PRH1: variants seen among roughly 807,000 people sequenced by gnomAD.
The protein encoded by PRH1 is proline rich protein HaeIII subfamily 1.
Under a neutral mutation model 7.9 loss-of-function variants are expected in PRH1, and 7 were observed. The observed-to-expected ratio is 0.89, with a 90% CI of 0.50 to 1.67. PRH1 has a LOEUF of 1.67. Ranked by LOEUF, PRH1 falls within the 40% of genes most tolerant of loss-of-function variation. PRH1 has a pLI of 0.00. For missense variants in PRH1, 109 were observed against 223.6 expected (o/e 0.49, Z 3.27); for synonymous variants, 45 against 80.8 (o/e 0.56, Z 2.38).
chr12:10,983,196 A>G lies in PRH1; in HGVS notation c.-125-9475T>C, dbSNP rs1442678388. Among the ~76,000 whole-genome samples, 3 of 152,208 alleles carry G rather than the reference A, an allele frequency of 2.0e-5. 1 individual carries two copies. The highest frequency in any genetic ancestry group is 4.4e-5 in the Non-Finnish European group (3 of 68,036). The stretch of plus-strand genomic sequence containing the variant: ...CAAACTCCTAGCGAATTAGTGGAAG[A>G]CTATTCCTTCTCCAGCAGAGGACTA... On this transcript the variant is annotated intron_variant, in intron 1 of 3. Coordinates refer to the PRH1 transcript ENST00000539853.
intron 1 of PRH1, chr12:11,158,906 A>T (rs1426033376): frequency 6.6e-6 from 1 of 152,202 alleles, no homozygotes; most frequent in Non-Finnish European, 1.5e-5. Context: ...GGCAAGTAAA[A>T]TCATCATAAT....
intron 2 of PRH1, among the ~76,000 whole-genome samples, chr12:10,901,634 C>T (rs1012370070): frequency 1.6e-4 from 24 of 152,278 alleles, no homozygotes; most frequent in African/African-American, 5.5e-4. Context: ...AAATATATAA[C>T]CATCACATTG....
intron 2 of PRH1, among the ~76,000 whole-genome samples, chr12:10,899,031 T>C (rs915320089): frequency 7.9e-5 from 12 of 152,206 alleles, no homozygotes; most frequent in Non-Finnish European, 1.8e-4. Context: ...CCCTGCTGTG[T>C]TTTGTACTTG....
chr12:11,021,996 T>G (rs200760616), intron 1 of PRH1: 56 of 1,591,938 alleles, frequency 3.5e-5, no homozygotes, highest in Non-Finnish European at 4.3e-5. Flanking sequence ...GAAAACATAT[T>G]AGGCTCAGAG....
chr12:10,898,375 A>G (rs1425499497), intron 2 of PRH1, among the ~76,000 whole-genome samples: 2 of 152,348 alleles, frequency 1.3e-5, no homozygotes, highest in Non-Finnish European at 2.9e-5. Context: ...CCATGACTAA[A>G]AGAAAGGCTA....
intron 1 of PRH1, chr12:10,986,490 C>T (rs1939636422): frequency 1.2e-6 from 2 of 1,613,936 alleles, no homozygotes; most frequent in South Asian, 2.2e-5. Flanking sequence ...ACTCCTAACT[C>T]TCCTCTTTAA....
chr12:11,044,091 A>G (rs1942821853), intron 1 of PRH1, among the ~76,000 whole-genome samples: 1 of 152,216 alleles, frequency 6.6e-6, no homozygotes, highest in Non-Finnish European at 1.5e-5. Context: ...GCATTAAGAC[A>G]GACACATAGA....
Position 10,882,067 on chromosome 12 carries a change from A to C in PRH1, c.*18+150T>G, listed in dbSNP as rs151046359. ...AAACACAGGGTCACAGGGTCTTGAT[A>C]CTCTATACAAGAATATCTGAATAAC... is the stretch of plus-strand genomic sequence containing the variant. On this transcript the variant is annotated intron_variant, in intron 3 of 3. Coordinates refer to ENST00000543626, the MANE Select transcript of PRH1 (RefSeq NM_001393989.1). 192 of 1,450,330 alleles carry C rather than the reference A, an allele frequency of 1.3e-4. 2 individuals carry two copies. In the East Asian group the frequency reaches 2.9e-3, roughly 22 times the overall value. 89.8% of individuals were successfully genotyped at this position (1,450,330 alleles called of 1,614,324 possible).
intron 1 of PRH1, among the ~76,000 whole-genome samples, chr12:11,137,330 C>A (rs1220249945): frequency 6.6e-6 from 1 of 152,134 alleles, no homozygotes; most frequent in Non-Finnish European, 1.5e-5. Context: ...AACTTTTATT[C>A]CCATGGAAAC....
Position 10,923,990 on chromosome 12 carries a change from G to GTTTTTTTTTTTTTT in PRH1, c.-58-39729_-58-39716dup, listed in dbSNP as rs35612831. 4.5e-5 allele frequency among the ~76,000 whole-genome samples: 4 copies of GTTTTTTTTTTTTTT among 89,458 alleles called. 1 individual carries two copies. The highest frequency in any genetic ancestry group is 3.6e-4 in the Admixed American group (2 of 5,630). 58.7% of individuals were successfully genotyped at this position (89,458 alleles called of 152,430 possible). ...GTTCTTTTTATTCATTTCTCCATCT[G>GTTTTTTTTTTTTTT]TTTTTTTTTTTTTTTTTTTTTTTGA... On this transcript the variant is annotated intron_variant, in intron 2 of 3. Transcript: ENST00000539853.
chr12:10,898,956 T>A (rs994284291), intron 2 of PRH1, among the ~76,000 whole-genome samples: 1 of 152,230 alleles, frequency 6.6e-6, no homozygotes, highest in Non-Finnish European at 1.5e-5. Context: ...AGAAGAGGCA[T>A]GTGCCCAGAA....
chr12:11,008,907 G>A (rs1372175158), intron 1 of PRH1, among the ~76,000 whole-genome samples: 2 of 151,850 alleles, frequency 1.3e-5, no homozygotes, highest in Non-Finnish European at 2.9e-5. Flanking sequence ...TGATTAAGAT[G>A]TACAAATTCT....
chr12:10,924,369 C>A (rs575133403), intron 2 of PRH1, among the ~76,000 whole-genome samples: 4 of 152,170 alleles, frequency 2.6e-5, no homozygotes, highest in South Asian at 2.1e-4. Context: ...CAGTTTATTA[C>A]TTTTTTCCTC....
intron 2 of PRH1, among the ~76,000 whole-genome samples, chr12:10,904,516 C>G (rs1160160444): frequency 6.6e-6 from 1 of 152,134 alleles, no homozygotes; most frequent in African/African-American, 2.4e-5. Flanking sequence ...TCACCATATA[C>G]AAAAATTAAC....
At chr12:10,895,816 C>T (rs746467184) in intron 2 of PRH1, 2 of 152,180 alleles carry the variant, frequency 1.3e-5, no homozygotes, top group Admixed American at 1.3e-4. Flanking sequence ...ATCAATTTCC[C>T]ACAGTCCCCA....
intron 2 of PRH1, chr12:10,938,332 C>CA (rs1950324740): frequency 6.2e-7 from 1 of 1,614,010 alleles, no homozygotes; most frequent in Non-Finnish European, 8.5e-7. Context: ...GTAGCACTGA[C>CA]AGAGAGGCCT....
chr12:11,094,416 T>C (rs1945026704), intron 1 of PRH1, among the ~76,000 whole-genome samples: 1 of 113,356 alleles, frequency 8.8e-6, no homozygotes, highest in Non-Finnish European at 2.1e-5. Context: ...AAAAGAACTC[T>C]GCTAAACCAA....
intron 2 of PRH1, among the ~76,000 whole-genome samples, chr12:10,922,531 A>C (rs912008691): frequency 6.6e-6 from 1 of 152,134 alleles, no homozygotes; most frequent in Non-Finnish European, 1.5e-5. Flanking sequence ...TATAGTGTAC[A>C]TGGTTTAGGT....
At chr12:11,069,690 T>C (rs1943979527) in intron 1 of PRH1, among the ~76,000 whole-genome samples, 1 of 152,154 alleles carries the variant, frequency 6.6e-6, no homozygotes, top group Non-Finnish European at 1.5e-5. Flanking sequence ...CATAAGCCAA[T>C]AGTTGAAGAG....
Sources: allele counts gnomAD v4.1 joint callset (sites outside exome capture counted in the v4.1 genomes callset), GRCh38; gene constraint gnomAD v4.1.1; transcripts MANE v1.5; gene names NCBI Gene and HGNC (gene_info 2026-07-23, HGNC 2026-07-21).